The following UBAP2L variants were observed in gnomAD, a reference collection of about 807,000 sequenced individuals.
UBAP2L encodes the protein ubiquitin-associated protein 2-like.
UBAP2L carries 12 observed loss-of-function variants against 130.6 expected under a neutral mutation model. The observed-to-expected ratio is 0.09, with a 90% CI of 0.06 to 0.15. The LOEUF (loss-of-function observed/expected upper bound fraction) is 0.15, where lower values mean the gene tolerates loss of function less well. Ranked by LOEUF, UBAP2L falls within the 10% of genes least tolerant of loss-of-function variation. The pLI is 1.00. For missense variants in UBAP2L, 965 were observed against 1,332.5 expected (o/e 0.72, Z 4.29); for synonymous variants, 503 against 524.7 (o/e 0.96, Z 0.57).
upstream of UBAP2L, chr1:154,220,564 G>A: frequency 8.5e-6 from 6 of 706,106 alleles, no homozygotes; most frequent in South Asian, 1.7e-5. Context: ...AAAACATGGC[G>A]GACAGGCAGG....
chr1:154,223,894 G>A (rs764830999), intron 1 of UBAP2L, among the ~76,000 whole-genome samples: 3 of 152,084 alleles, frequency 2.0e-5, no homozygotes, highest in Non-Finnish European at 2.9e-5. Context: ...CTAGAATTAC[G>A]TTGTATAAGG....
intron 18 of UBAP2L, 22 bp downstream of exon 18, chr1:154,255,777 A>G (rs1679429243): frequency 1.2e-6 from 2 of 1,612,756 alleles, no homozygotes; most frequent in Non-Finnish European, 1.7e-6. Flanking sequence ...GCTGAGAGGG[A>G]TGTGTGGTTT....
intron 8 of UBAP2L, 87 bp downstream of exon 8, chr1:154,237,223 G>A: frequency 1.6e-6 from 2 of 1,240,128 alleles, no homozygotes; most frequent in Non-Finnish European, 2.3e-6. Flanking sequence ...AAACGTGGAA[G>A]AATAGTGTTT....
At chr1:154,227,674 G>A (rs758920197) in intron 3 of UBAP2L, among the ~76,000 whole-genome samples, 1 of 151,892 alleles carries the variant, frequency 6.6e-6, no homozygotes, top group Non-Finnish European at 1.5e-5. Flanking sequence ...AGCCTCCCGA[G>A]TAGTTGGGAT....
At chr1:154,253,664 G>A (rs926707510) in intron 14 of UBAP2L, among the ~76,000 whole-genome samples, 8 of 152,240 alleles carry the variant, frequency 5.3e-5, no homozygotes, top group African/African-American at 1.4e-4. Context: ...GAGCCACTGC[G>A]CCCGGCCTAG....
rs1684464844 is a variant in UBAP2L, at chr1:154,270,277, C to T, written c.3246C>T (p.Tyr1082=). The change falls in exon 27 of 27, where the codon TAC becomes TAT. Residue 1082 remains tyrosine (Y), a synonymous_variant. Transcript: ENST00000428931. ...PQTNKSAYNS[Y]SWGAN ...CCAACAAGTCTGCCTACAACAGCTA[C>T]AGCTGGGGGGCCAACTGAGGCCCTG... 3.7e-6 allele frequency: 6 copies of T among 1,613,878 alleles called. No homozygotes were observed. The highest frequency in any genetic ancestry group is 1.3e-5 in the African/African-American group (1 of 74,920).
At chr1:154,247,588 G>A (rs570758876) in intron 11 of UBAP2L, among the ~76,000 whole-genome samples, 2 of 152,216 alleles carry the variant, frequency 1.3e-5, no homozygotes, top group East Asian at 1.9e-4. Flanking sequence ...TTTCAGCTGG[G>A]GACAGTGACA....
Position 154,268,773 on chromosome 1 carries a change from A to C in UBAP2L, c.2987A>C (p.Gln996Pro). The change falls in exon 26 of 27, where the codon CAA (glutamine) becomes CCA (proline). Residue 996 changes from glutamine (Q) to proline (P), a missense_variant. By Grantham distance (76) the Gln-to-Pro change is moderately conservative. Coordinates refer to ENST00000428931, the MANE Select transcript of UBAP2L (RefSeq NM_014847.4). The stretch of plus-strand genomic sequence containing the variant: ...CCTGGATAGCAGTCCTTTGAGAAAC[A>C]AGGTTTTCATTCCGGTACTCCTGCT... ...YSKTQQSFEK[Q>P]GFHSGTPAAS... 1 of 1,613,998 alleles carries C rather than the reference A, an allele frequency of 6.2e-7. No individual in the cohort carries two copies. The highest frequency in any genetic ancestry group is 8.5e-7 in the Non-Finnish European group (1 of 1,179,980).
intron 24 of UBAP2L, chr1:154,263,292 T>C (rs1682185933): frequency 2.0e-6 from 3 of 1,476,816 alleles, no homozygotes; most frequent in African/African-American, 2.8e-5. Flanking sequence ...AGTTGGTGGA[T>C]ACCTTCTGGG....
chr1:154,266,650 C>T, intron 25 of UBAP2L, 82 bp downstream of exon 25: 2 of 1,429,190 alleles, frequency 1.4e-6, no homozygotes, highest in South Asian at 1.1e-5. Flanking sequence ...TAACAGTGGA[C>T]AAGAAGAACC....
intron 24 of UBAP2L, among the ~76,000 whole-genome samples, chr1:154,265,340 T>G (rs986606518): frequency 6.6e-6 from 1 of 152,234 alleles, no homozygotes; most frequent in Admixed American, 6.5e-5. Context: ...AAAACTCTTT[T>G]CCATCAGTGT....
intron 25 of UBAP2L, among the ~76,000 whole-genome samples, chr1:154,267,071 T>TG (rs540995169): frequency 8.6e-5 from 13 of 151,834 alleles, no homozygotes; most frequent in East Asian, 1.9e-4. Flanking sequence ...ACTGGGGGTC[T>TG]GGGGGGGCAC....
At chr1:154,266,396 C>G in intron 24 of UBAP2L, 105 bp from the exon 25 acceptor site, 1 of 1,247,668 alleles carries the variant, frequency 8.0e-7, no homozygotes, top group East Asian at 2.3e-5. Context: ...CCAAAATTCC[C>G]TTGCATTGGT....
rs537768192 is a variant in UBAP2L at position 154,225,982 on chromosome 1, T to G, written c.90+769T>G. Among the ~76,000 whole-genome samples the G allele has an allele frequency of 2.0e-5, 3 of 152,294 alleles. No individual in the cohort carries two copies. The South Asian group carries it at 6.2e-4, about 32-fold the overall frequency. ...GAGTGTGCTACCATGCCCAGCTAAT[T>G]TTTGTATTTTTAGTAGAGACAGGGT... On this transcript the variant is annotated intron_variant, in intron 2 of 26. Coordinates refer to ENST00000428931, the MANE Select transcript of UBAP2L (RefSeq NM_014847.4).
chr1:154,238,804 G>A (rs958676619), intron 8 of UBAP2L, among the ~76,000 whole-genome samples: 1 of 151,720 alleles, frequency 6.6e-6, no homozygotes, highest in Admixed American at 6.6e-5. Flanking sequence ...GCAGTGGTGC[G>A]ATCTTGGCTC....
Position 154,251,176 on chromosome 1 carries a change from C to T in UBAP2L, c.1349C>T (p.Pro450Leu), listed in dbSNP as rs758205551. Reference protein sequence around the residue: ...PAVATSTAAPPPPSSPLPSKS... With the variant: ...PAVATSTAAPLPPSSPLPSKS... Reference sequence around the variant, plus strand: ...GTGGCTACCTCCACAGCTGCACCTCCACCTCCGTCTTCTCCTCTGCCAAGC... The same window carrying T: ...GTGGCTACCTCCACAGCTGCACCTCTACCTCCGTCTTCTCCTCTGCCAAGC... Residue 450 changes from proline to leucine, a missense_variant, in exon 13 of 27, where the codon CCA becomes CTA. Transcript: ENST00000428931. 1 of 1,614,044 alleles carries T rather than the reference C, an allele frequency of 6.2e-7. No homozygotes were observed. The highest frequency in any genetic ancestry group is 1.3e-5 in the African/African-American group (1 of 74,928).
chr1:154,247,519 T>G (rs1242053014), intron 11 of UBAP2L, among the ~76,000 whole-genome samples: 1 of 152,236 alleles, frequency 6.6e-6, no homozygotes, highest in African/African-American at 2.4e-5. Context: ...ATTGCCCTCT[T>G]AATGTCTGGA....
chr1:154,263,266 G>A (rs893680368), intron 24 of UBAP2L: 33 of 1,506,566 alleles, frequency 2.2e-5, no homozygotes, highest in Middle Eastern at 1.8e-4. Context: ...CATGGCCTGC[G>A]TGGCTTGGGG....
chr1:154,241,099 GTTTGT>G (rs926414667), intron 8 of UBAP2L, among the ~76,000 whole-genome samples: 43 of 151,060 alleles, frequency 2.8e-4, no homozygotes, highest in Non-Finnish European at 3.2e-4. Context: ...TTTTGTTTTT[GTTTGT>G]TTTGAGACAG....
Sources: allele counts gnomAD v4.1 joint callset (sites outside exome capture counted in the v4.1 genomes callset), GRCh38; gene constraint gnomAD v4.1.1; transcripts MANE v1.5; gene names NCBI Gene and HGNC (gene_info 2026-07-23, HGNC 2026-07-21).